Variants in PGM5 observed in about 807,000 individuals in gnomAD.
PGM5 encodes the protein phosphoglucomutase 5.
In PGM5, 23 loss-of-function variants were observed where a neutral mutation model predicts 59.2. The observed-to-expected ratio is 0.39, with a 90% confidence interval of 0.28 to 0.55. The LOEUF (loss-of-function observed/expected upper bound fraction) is 0.55. PGM5 is among the 20% of genes least tolerant of loss of function. The pLI is 0.66. For synonymous variants in PGM5, 214 were observed against 286.0 expected, an observed-to-expected ratio of 0.75 and a Z score of 2.54; for missense variants, 574 against 748.3, an observed-to-expected ratio of 0.77 and a Z score of 2.72.
chr9:68,360,198 A>T (rs1393916084), intron 1 of PGM5, among the ~76,000 whole-genome samples: 4 of 151,828 alleles, frequency 2.6e-5, no homozygotes, highest in African/African-American at 9.7e-5. Flanking sequence ...GAGAAGAAAA[A>T]CATGGCATTT....
chr9:68,450,926 G>A (rs1823687135), intron 6 of PGM5, among the ~76,000 whole-genome samples: 1 of 152,180 alleles, frequency 6.6e-6, no homozygotes, highest in African/African-American at 2.4e-5. Flanking sequence ...AAATAAATTT[G>A]TAGAACCTTA....
intron 1 of PGM5, among the ~76,000 whole-genome samples, chr9:68,374,274 A>G (rs571630149): frequency 0.046 from 6,987 of 150,858 alleles, 1 homozygote; most frequent in African/African-American, 0.065. Flanking sequence ...AATTATATTC[A>G]GTTCTATATC....
At chr9:68,432,444 G>A (rs1018887760) in intron 6 of PGM5, among the ~76,000 whole-genome samples, 1 of 151,994 alleles carries the variant, frequency 6.6e-6, no homozygotes, top group East Asian at 1.9e-4. Context: ...CAAGTGATCG[G>A]CCCACCTCAG....
intron 6 of PGM5, among the ~76,000 whole-genome samples, chr9:68,409,619 G>A (rs1198573770): frequency 2.7e-4 from 6 of 22,000 alleles, no homozygotes; most frequent in South Asian, 2.5e-3. Flanking sequence ...GTAAACTATC[G>A]CAAGAACAAA....
At chr9:68,391,801 A>T (rs766782412) in intron 5 of PGM5, 77 bp downstream of exon 5, 109 of 1,438,070 alleles carry the variant, frequency 7.6e-5, no homozygotes, top group Non-Finnish European at 9.5e-5. Context: ...AGAATTAATG[A>T]ACACATCTGG....
intron 9 of PGM5, among the ~76,000 whole-genome samples, chr9:68,495,593 T>C (rs945887836): frequency 2.6e-5 from 4 of 152,206 alleles, no homozygotes; most frequent in African/African-American, 7.2e-5. Context: ...GCTTGTAGCA[T>C]CCTGCAGTAA....
intron 6 of PGM5, among the ~76,000 whole-genome samples, chr9:68,418,578 G>C (rs1554682145): frequency 6.6e-6 from 1 of 152,030 alleles, no homozygotes; most frequent in Non-Finnish European, 1.5e-5. Flanking sequence ...AATCTCCGAT[G>C]CTGCAGCTGC....
At chr9:68,439,352 C>T (rs1292030917) in intron 6 of PGM5, among the ~76,000 whole-genome samples, 1 of 149,322 alleles carries the variant, frequency 6.7e-6, no homozygotes, top group East Asian at 1.9e-4. Flanking sequence ...GGCAACAGGG[C>T]AAGATGCTGT....
chr9:68,424,970 T>TCA lies in PGM5; in HGVS notation c.1043+32497_1043+32498insCA, dbSNP rs200877687. Among the ~76,000 whole-genome samples, 1,070 of 152,320 alleles carry TCA rather than the reference T, an allele frequency of 7.0e-3. 4 individuals are homozygous for TCA. Among genetic ancestry groups the TCA allele is most frequent in the African/African-American group, 0.024 (1,008 of 41,576 alleles). On this transcript the variant is annotated intron_variant, in intron 6 of 10. Transcript: ENST00000396396. ...CTCTGAAATTCATATAATTATATGA[T>TCA]TAAACAAATTTCTACTAAGACAAAT...
intron 1 of PGM5, among the ~76,000 whole-genome samples, chr9:68,369,949 G>A (rs186536101): frequency 1.5e-4 from 23 of 152,114 alleles, no homozygotes; most frequent in South Asian, 1.2e-3. Context: ...GCCCTTATCC[G>A]TCACCTGTTT....
chr9:68,361,784 A>G (rs1320288285), intron 1 of PGM5, among the ~76,000 whole-genome samples: 2 of 152,024 alleles, frequency 1.3e-5, no homozygotes, highest in Admixed American at 1.3e-4. Flanking sequence ...TTGGGAAGAC[A>G]TACACGTTCA....
intron 10 of PGM5, among the ~76,000 whole-genome samples, chr9:68,508,277 C>A (rs1824690059): frequency 6.6e-6 from 1 of 152,152 alleles, no homozygotes; most frequent in Non-Finnish European, 1.5e-5. Flanking sequence ...TAAGAACAGA[C>A]CACTGAAGAG....
At chr9:68,494,432 G>T (rs1381318982) in intron 9 of PGM5, among the ~76,000 whole-genome samples, 1 of 152,160 alleles carries the variant, frequency 6.6e-6, no homozygotes, top group Non-Finnish European at 1.5e-5. Flanking sequence ...ATGTAGCACA[G>T]TCCAGTCACT....
intron 5 of PGM5, 102 bp downstream of exon 5, chr9:68,391,826 G>T: frequency 8.4e-7 from 1 of 1,197,482 alleles, no homozygotes; most frequent in Non-Finnish European, 1.2e-6. Context: ...AACATGTATG[G>T]GACATGTGTG....
chr9:68,406,421 C>T (rs1380835018), intron 6 of PGM5: 4 of 149,918 alleles, frequency 2.7e-5, no homozygotes, highest in Admixed American at 6.7e-5. Flanking sequence ...AGCATGCTAG[C>T]TCAGGTCTCT....
At chr9:68,359,049 A>T (rs1554676054) in intron 1 of PGM5, among the ~76,000 whole-genome samples, 1 of 152,150 alleles carries the variant, frequency 6.6e-6, no homozygotes, top group Admixed American at 6.5e-5. Flanking sequence ...CCAATTTTTT[A>T]GGGAGTGAGA....
intron 1 of PGM5, among the ~76,000 whole-genome samples, chr9:68,376,474 GCTGT>G (rs1554677646): frequency 9.0e-6 from 1 of 110,956 alleles, no homozygotes; most frequent in African/African-American, 3.6e-5. Flanking sequence ...TTGCTTTTGA[GCTGT>G]GTGTGTGTGT....
At chr9:68,482,873 A>G (rs1554687222) in intron 8 of PGM5, among the ~76,000 whole-genome samples, 1 of 152,234 alleles carries the variant, frequency 6.6e-6, no homozygotes, top group Non-Finnish European at 1.5e-5. Flanking sequence ...TAAACCCCAC[A>G]ATGACAAATG....
intron 1 of PGM5, among the ~76,000 whole-genome samples, chr9:68,372,917 G>C (rs1451538087): frequency 1.3e-5 from 2 of 152,114 alleles, no homozygotes; most frequent in Middle Eastern, 3.2e-3. Context: ...CAAGGGCATG[G>C]TGCTAGACCA....
Sources: gnomAD v4.1 joint callset for allele counts (sites outside exome capture counted in the v4.1 genomes callset) on GRCh38, gnomAD v4.1.1 for gene constraint, MANE v1.5 for transcripts, NCBI Gene and HGNC (gene_info 2026-07-23, HGNC 2026-07-21) for gene names.